The following GCC2 variants were observed in gnomAD, a reference collection of about 807,000 sequenced individuals.
GCC2 encodes the protein GRIP and coiled-coil domain-containing protein 2.
GCC2 carries 120 observed loss-of-function variants against 210.6 expected under a neutral mutation model. That is an observed-to-expected ratio of 0.57 (90% CI 0.49 to 0.66). The LOEUF (loss-of-function observed/expected upper bound fraction) is 0.66. GCC2 is among the 30% of genes least tolerant of loss of function. GCC2 has a pLI of 0.00. For missense variants in GCC2, 1,868 were observed against 1,871.9 expected (o/e 1.00, Z 0.04); for synonymous variants, 703 against 652.7 (o/e 1.08, Z -1.17).
chr2:108,496,252 AT>A (rs1341632117), intron 20 of GCC2: 6 of 151,818 alleles, frequency 4.0e-5, no homozygotes, highest in Non-Finnish European at 8.8e-5. Context: ...GTAATGCTAA[AT>A]TTTTGTAGTG....
At chr2:108,487,351 A>T (rs946976966) in intron 16 of GCC2, among the ~76,000 whole-genome samples, 2 of 152,210 alleles carry the variant, frequency 1.3e-5, no homozygotes, top group African/African-American at 4.8e-5. Flanking sequence ...TATTATTGAG[A>T]GGCCTTTAAA....
intron 3 of GCC2, 152 bp from the exon 4 acceptor site, chr2:108,452,247 A>C: frequency 1.6e-6 from 1 of 633,236 alleles, no homozygotes; most frequent in Middle Eastern, 4.4e-4. Flanking sequence ...GCTGAAGTAT[A>C]GTGATGAGTG....
chr2:108,453,007 T>C (rs1680039455), intron 4 of GCC2, among the ~76,000 whole-genome samples: 1 of 152,212 alleles, frequency 6.6e-6, no homozygotes, highest in Admixed American at 6.5e-5. Context: ...TTTCTAATTA[T>C]GGTTGTTACT....
chr2:108,490,364 T>C (rs1334512330), intron 18 of GCC2, among the ~76,000 whole-genome samples: 1 of 152,186 alleles, frequency 6.6e-6, no homozygotes, highest in African/African-American at 2.4e-5. Flanking sequence ...ACCCAAATAG[T>C]TGCTAACTGA....
Position 108,483,107 on chromosome 2 carries a change from C to G in GCC2, c.3391C>G (p.Leu1131Val). ...TGAACTTGAAGAACTTCAGGTACAA[C>G]TTCAAAAGCAAAAGAAACAGCTTCA... ...VNELEELQVQ[L>V]QKQKKQLQKT... Residue 1131 changes from leucine to valine, a missense_variant, in exon 12 of 23, where the codon CTT (leucine) becomes GTT (valine). Around this residue, in one of 3 missense-constraint regions of GCC2, gnomAD observed 1,847 missense variants for 1,765.2 expected, o/e 1.05. Transcript: ENST00000309863. The G allele has an allele frequency of 6.3e-7, 1 of 1,598,838 alleles. No homozygotes were observed. The highest frequency in any genetic ancestry group is 8.6e-7 in the Non-Finnish European group (1 of 1,166,436).
intron 9 of GCC2, among the ~76,000 whole-genome samples, chr2:108,480,012 A>C (rs1390654331): frequency 6.7e-6 from 1 of 148,710 alleles, no homozygotes; most frequent in African/African-American, 2.5e-5. Context: ...AAAAAAAACG[A>C]AAAACCCCAC....
At chr2:108,484,527 C>G (rs548742460) in intron 13 of GCC2, 1 of 267,116 alleles carries the variant, frequency 3.7e-6, no homozygotes, top group Non-Finnish European at 7.3e-6. Context: ...ATGCCTAGGT[C>G]TTCTTCTAGG....
chr2:108,495,629 T>C (rs1682614984), intron 20 of GCC2, 144 bp downstream of exon 20: 1 of 508,124 alleles, frequency 2.0e-6, no homozygotes, highest in Non-Finnish European at 3.6e-6. Context: ...ATTAGGGTTC[T>C]CTAGAGGGAC....
At chr2:108,478,985 G>C (rs961670180) in intron 9 of GCC2, among the ~76,000 whole-genome samples, 1 of 152,080 alleles carries the variant, frequency 6.6e-6, no homozygotes, top group Non-Finnish European at 1.5e-5. Flanking sequence ...CTGAGGTCAG[G>C]AGTTCGAGAC....
intron 21 of GCC2, among the ~76,000 whole-genome samples, chr2:108,498,555 C>T (rs1481533205): frequency 9.9e-5 from 15 of 152,214 alleles, no homozygotes; most frequent in Admixed American, 9.2e-4. Flanking sequence ...TTTATTGTCA[C>T]TTTTTTAAAT....
Position 108,467,555 on chromosome 2 carries a change from C to T in GCC2, c.217-1425C>T, listed in dbSNP as rs554457740. On this transcript the variant is annotated intron_variant, in intron 4 of 22. Coordinates refer to ENST00000309863, the MANE Select transcript of GCC2 (RefSeq NM_181453.4). Reference sequence around the variant, plus strand: ...AACATGATCCTCCCACTTGCATCTCCCAAAGTGTTGGGATTGCAGGCATGA... The same window carrying T: ...AACATGATCCTCCCACTTGCATCTCTCAAAGTGTTGGGATTGCAGGCATGA... Among the ~76,000 whole-genome samples the T allele has an allele frequency of 3.3e-5, 5 of 152,266 alleles. No homozygotes were observed. The South Asian group carries it at 1.0e-3, about 32-fold the overall frequency.
Position 108,484,290 on chromosome 2 carries a change from G to A in GCC2, c.3592G>A (p.Glu1198Lys), listed in dbSNP as rs965819512. The change falls in exon 13 of 23, where the codon GAA becomes AAA. Residue 1198 changes from glutamate to lysine, a missense_variant. Glu to Lys is a moderately conservative substitution (Grantham distance 56, BLOSUM62 1). Around this residue, in one of 3 missense-constraint regions of GCC2, gnomAD observed 1,847 missense variants for 1,765.2 expected, o/e 1.05. Transcript: ENST00000309863. ...QEIKIQKQKQ[E>K]TLQEEITSLQ... The stretch of plus-strand genomic sequence containing the variant: ...AATAAAAATTCAAAAACAGAAACAA[G>A]AAACCCTACAAGAAGAAATAAGTGA... 22 of 1,526,988 alleles carry A rather than the reference G, an allele frequency of 1.4e-5. No individual in the cohort carries two copies. The highest frequency in any genetic ancestry group is 2.2e-5 in the Admixed American group (1 of 45,830). 94.6% of individuals were successfully genotyped at this position (1,526,988 alleles called of 1,614,324 possible). A position where few individuals can be genotyped will look rare whatever the true frequency, so the allele number is the denominator to read the frequency against.
intron 17 of GCC2, 68 bp from the exon 18 acceptor site, chr2:108,489,770 A>T: frequency 9.3e-7 from 1 of 1,073,836 alleles, no homozygotes; most frequent in Non-Finnish European, 1.3e-6. Flanking sequence ...TGGTTAAACT[A>T]TATTTAAAAC....
intron 6 of GCC2, among the ~76,000 whole-genome samples, chr2:108,472,418 CTT>C (rs1681282552): frequency 6.6e-6 from 1 of 152,016 alleles, no homozygotes; most frequent in African/African-American, 2.4e-5. Context: ...CATGGAAAAA[CTT>C]GAGTTTCATT....
chr2:108,465,556 T>C (rs1456513396), intron 4 of GCC2, among the ~76,000 whole-genome samples: 3 of 152,174 alleles, frequency 2.0e-5, no homozygotes, highest in African/African-American at 7.2e-5. Flanking sequence ...CTGTATGGCT[T>C]TGCATACTCA....
intron 3 of GCC2, among the ~76,000 whole-genome samples, chr2:108,451,368 AGT>A (rs1454510945): frequency 6.6e-6 from 1 of 152,222 alleles, no homozygotes; most frequent in African/African-American, 2.4e-5. Flanking sequence ...GTGTAAGTTA[AGT>A]GTGTTTTTCC....
intron 9 of GCC2, 58 bp from the exon 10 acceptor site, chr2:108,481,639 A>C (rs1681855698): frequency 1.5e-6 from 2 of 1,339,008 alleles, no homozygotes; most frequent in Non-Finnish European, 2.1e-6. Flanking sequence ...TTGATGATGA[A>C]GTCTGACCTG....
At chr2:108,485,775 A>T (rs777755234) in intron 14 of GCC2, 39 bp downstream of exon 14, 1 of 1,456,178 alleles carries the variant, frequency 6.9e-7, no homozygotes, top group African/African-American at 1.4e-5. Context: ...GTACTTATTC[A>T]TAATTTATTT....
intron 9 of GCC2, among the ~76,000 whole-genome samples, chr2:108,479,577 G>A (rs972919723): frequency 6.6e-6 from 1 of 152,046 alleles, no homozygotes; most frequent in South Asian, 2.1e-4. Context: ...GGAGACAGAG[G>A]TTACAGTGAG....
Sources: allele counts gnomAD v4.1 joint callset (sites outside exome capture counted in the v4.1 genomes callset), GRCh38; gene constraint gnomAD v4.1.1; regional missense constraint gnomAD v4.1.1; transcripts MANE v1.5; gene names NCBI Gene and HGNC (gene_info 2026-07-23, HGNC 2026-07-21).